PPM1E: variants seen among roughly 807,000 people sequenced by gnomAD.
The protein encoded by PPM1E is protein phosphatase, Mg2+/Mn2+ dependent 1E.
In PPM1E, 20 loss-of-function variants were observed where a neutral mutation model predicts 65.9. That is an observed-to-expected ratio of 0.30 (90% confidence interval 0.21 to 0.44). PPM1E has a LOEUF of 0.44. Among genes scored for constraint, PPM1E ranks in the 20% least tolerant of loss-of-function variants. The pLI, the probability that PPM1E is intolerant of heterozygous loss-of-function variation, is 1.00. For synonymous variants in PPM1E, 352 were observed against 374.9 expected (o/e 0.94, Z 0.70); for missense variants, 713 against 953.1 (o/e 0.75, Z 3.32).
intron 1 of PPM1E, among the ~76,000 whole-genome samples, chr17:58,811,104 C>T (rs546884362): frequency 1.3e-5 from 2 of 152,058 alleles, no homozygotes; most frequent in Non-Finnish European, 2.9e-5. Flanking sequence ...GTGATCCACC[C>T]GCCTTGGCCT....
At chr17:58,881,997 A>T (rs1458639207) in intron 1 of PPM1E, among the ~76,000 whole-genome samples, 1 of 21,840 alleles carries the variant, frequency 4.6e-5, no homozygotes, top group Admixed American at 3.0e-4. Context: ...CTGTCTCTAC[A>T]AAAAAAAAAA....
At chr17:58,870,746 T>C (rs1203546652) in intron 1 of PPM1E, among the ~76,000 whole-genome samples, 1 of 152,224 alleles carries the variant, frequency 6.6e-6, no homozygotes, top group African/African-American at 2.4e-5. Flanking sequence ...AATATTTACA[T>C]GAAGATGTGC....
intron 1 of PPM1E, among the ~76,000 whole-genome samples, chr17:58,798,230 G>GTTTTT (rs980535079): frequency 5.4e-5 from 7 of 130,024 alleles, no homozygotes; most frequent in South Asian, 4.9e-4. Context: ...TTTTTTGTTT[G>GTTTTT]TTTTTTTTTT....
intron 2 of PPM1E, among the ~76,000 whole-genome samples, chr17:58,961,727 C>T (rs1423033064): frequency 1.3e-5 from 2 of 152,140 alleles, no homozygotes; most frequent in Non-Finnish European, 2.9e-5. Context: ...ATGTGGGAGC[C>T]ACTAGCCACA....
At chr17:58,769,206 A>G (rs548915651) in intron 1 of PPM1E, among the ~76,000 whole-genome samples, 27 of 152,228 alleles carry the variant, frequency 1.8e-4, no homozygotes, top group African/African-American at 6.5e-4. Flanking sequence ...AGCTGAAGGT[A>G]CCTATTTTCT....
intron 1 of PPM1E, among the ~76,000 whole-genome samples, chr17:58,905,391 G>A (rs532840739): frequency 6.6e-6 from 1 of 152,134 alleles, no homozygotes; most frequent in South Asian, 2.1e-4. Context: ...TCTATTTCTG[G>A]TTAACTGAGA....
intron 1 of PPM1E, among the ~76,000 whole-genome samples, chr17:58,777,989 G>T (rs989505577): frequency 1.4e-4 from 21 of 152,154 alleles, no homozygotes; most frequent in African/African-American, 5.1e-4. Flanking sequence ...GAGTACGGTG[G>T]CATGATCATG....
intron 1 of PPM1E, among the ~76,000 whole-genome samples, chr17:58,917,331 G>C (rs1275491235): frequency 6.6e-6 from 1 of 151,154 alleles, no homozygotes; most frequent in Non-Finnish European, 1.5e-5. Context: ...TATTATAATC[G>C]TTGCCATTGT....
At chr17:58,937,019 G>A (rs760165561) in intron 1 of PPM1E, among the ~76,000 whole-genome samples, 4 of 151,880 alleles carry the variant, frequency 2.6e-5, no homozygotes, top group Non-Finnish European at 5.9e-5. Flanking sequence ...TTGTAAGGCC[G>A]GGCGCGGTGG....
chr17:58,856,580 C>T (rs892352560), intron 1 of PPM1E, among the ~76,000 whole-genome samples: 3 of 152,114 alleles, frequency 2.0e-5, no homozygotes, highest in Non-Finnish European at 2.9e-5. Context: ...CCCCCAGCAC[C>T]TCAGAATGAT....
At chr17:58,841,089 A>AC (rs1567850377) in intron 1 of PPM1E, among the ~76,000 whole-genome samples, 1 of 152,070 alleles carries the variant, frequency 6.6e-6, no homozygotes, top group African/African-American at 2.4e-5. Context: ...ACCCTGGGGC[A>AC]CCCCCCTTGT....
intron 1 of PPM1E, among the ~76,000 whole-genome samples, chr17:58,940,854 G>T (rs747587969): frequency 1.3e-5 from 2 of 152,110 alleles, no homozygotes; most frequent in Non-Finnish European, 2.9e-5. Context: ...GGGGTTACAG[G>T]TGTATGCCAC....
At chr17:58,765,871 T>C (rs1214165528) in intron 1 of PPM1E, among the ~76,000 whole-genome samples, 1 of 150,000 alleles carries the variant, frequency 6.7e-6, no homozygotes, top group Non-Finnish European at 1.5e-5. Flanking sequence ...AATATTTTTG[T>C]AGTTTCTTTT....
intron 1 of PPM1E, among the ~76,000 whole-genome samples, chr17:58,768,695 G>A (rs755943683): frequency 6.6e-6 from 1 of 152,102 alleles, no homozygotes; most frequent in Non-Finnish European, 1.5e-5. Context: ...TTGAGACAGA[G>A]TTTCACTCTT....
intron 1 of PPM1E, among the ~76,000 whole-genome samples, chr17:58,765,983 C>T (rs769213514): frequency 2.0e-4 from 30 of 148,230 alleles, no homozygotes; most frequent in Non-Finnish European, 4.0e-4. Flanking sequence ...CAAGTTCAAG[C>T]GATTCTCCTG....
intron 1 of PPM1E, among the ~76,000 whole-genome samples, chr17:58,800,120 A>G (rs1183761438): frequency 6.6e-6 from 1 of 152,198 alleles, no homozygotes; most frequent in Non-Finnish European, 1.5e-5. Flanking sequence ...GTATATATAC[A>G]TATAGATGGA....
chr17:58,979,341 A>C (rs1436076044), intron 6 of PPM1E, among the ~76,000 whole-genome samples: 3 of 152,126 alleles, frequency 2.0e-5, no homozygotes, highest in Non-Finnish European at 4.4e-5. Flanking sequence ...AATCAAGAAA[A>C]CTGCATTCAG....
At chr17:58,907,604 A>G (rs1303695913) in intron 1 of PPM1E, among the ~76,000 whole-genome samples, 1 of 152,206 alleles carries the variant, frequency 6.6e-6, no homozygotes, top group South Asian at 2.1e-4. Context: ...CTCCAACTAT[A>G]GTAGTGGATT....
At chr17:58,765,064 TG>T (rs2049859465) in intron 1 of PPM1E, among the ~76,000 whole-genome samples, 2 of 208 alleles carry the variant, frequency 9.6e-3, no homozygotes, top group Non-Finnish European at 0.067. Flanking sequence ...TTTATGTTTT[TG>T]TTGGTGTGTG....
Sources: gnomAD v4.1 joint callset for allele counts (sites outside exome capture counted in the v4.1 genomes callset) on GRCh38, gnomAD v4.1.1 for gene constraint, MANE v1.5 for transcripts, NCBI Gene and HGNC (gene_info 2026-07-23, HGNC 2026-07-21) for gene names.